Variants in RANBP9 observed in about 807,000 individuals in gnomAD.
The protein encoded by RANBP9 is ran-binding protein 9.
Under a neutral mutation model 84.3 loss-of-function variants are expected in RANBP9, and 15 were observed. The observed-to-expected ratio is 0.18, with a 90% CI of 0.12 to 0.27. The LOEUF (loss-of-function observed/expected upper bound fraction) is 0.27, where lower values mean the gene tolerates loss of function less well. Among genes scored for constraint, RANBP9 ranks in the 10% least tolerant of loss-of-function variants. The probability of loss-of-function intolerance (pLI) is 1.00; values close to 1 mark genes in which losing one functional copy is unlikely to be tolerated. For missense variants in RANBP9, 809 were observed against 912.8 expected, an observed-to-expected ratio of 0.89 and a Z score of 1.46; for synonymous variants, 392 against 349.6, an observed-to-expected ratio of 1.12 and a Z score of -1.35.
At chr6:13,633,765 A>G (rs749197609) in intron 11 of RANBP9, among the ~76,000 whole-genome samples, 8 of 152,354 alleles carry the variant, frequency 5.3e-5, no homozygotes, top group Admixed American at 1.3e-4. Flanking sequence ...TAAGAAATCT[A>G]ACATTGCCAT....
intron 2 of RANBP9, among the ~76,000 whole-genome samples, chr6:13,682,184 T>C (rs1208422677): frequency 1.3e-5 from 2 of 152,132 alleles, no homozygotes; most frequent in Admixed American, 1.3e-4. Flanking sequence ...TCAACAGTCT[T>C]ACTTTGAAAC....
At chr6:13,670,323 T>C (rs1156979618) in intron 2 of RANBP9, among the ~76,000 whole-genome samples, 2 of 152,070 alleles carry the variant, frequency 1.3e-5, no homozygotes, top group Non-Finnish European at 2.9e-5. Flanking sequence ...AAAAAGAATG[T>C]AGCTGGATCC....
chr6:13,670,816 A>G (rs910109863), intron 2 of RANBP9, among the ~76,000 whole-genome samples: 2 of 151,554 alleles, frequency 1.3e-5, no homozygotes, highest in African/African-American at 4.8e-5. Flanking sequence ...AAAAAAAAAA[A>G]AAAAAGTAGA....
At chr6:13,677,198 T>A (rs1055231275) in intron 2 of RANBP9, among the ~76,000 whole-genome samples, 31 of 152,128 alleles carry the variant, frequency 2.0e-4, no homozygotes, top group Admixed American at 1.9e-3. Flanking sequence ...AGAAGTCAAT[T>A]TCCTACGCAC....
At chr6:13,684,564 G>A (rs1004494801) in intron 2 of RANBP9, among the ~76,000 whole-genome samples, 3 of 152,158 alleles carry the variant, frequency 2.0e-5, no homozygotes, top group Admixed American at 1.3e-4. Flanking sequence ...GTAAAAAATT[G>A]TAAGTATGTA....
chr6:13,641,951 T>C (rs987244667), intron 7 of RANBP9, among the ~76,000 whole-genome samples: 6 of 152,180 alleles, frequency 3.9e-5, no homozygotes, highest in African/African-American at 1.4e-4. Context: ...CCCACCCTGA[T>C]GGACAAACAG....
chr6:13,680,561 T>C (rs908298788), intron 2 of RANBP9, among the ~76,000 whole-genome samples: 2 of 151,936 alleles, frequency 1.3e-5, no homozygotes, highest in African/African-American at 4.8e-5. Context: ...AGCAACACAA[T>C]GGGACCCTGT....
chr6:13,669,727 T>C (rs1259248031), intron 2 of RANBP9, among the ~76,000 whole-genome samples: 1 of 152,192 alleles, frequency 6.6e-6, no homozygotes. Context: ...TAGCTGGGAC[T>C]ACAGTTGCAT....
intron 6 of RANBP9, among the ~76,000 whole-genome samples, chr6:13,643,677 A>G (rs1765117653): frequency 6.6e-6 from 1 of 152,172 alleles, no homozygotes; most frequent in Admixed American, 6.5e-5. Context: ...CATGATACTC[A>G]GTGGTAACCA....
rs555894491 is a variant in RANBP9, at chr6:13,682,676, T to C, written c.683+14109A>G. ...ATGTTGGCCAGGCTGGTCTCAAAAC[T>C]CCTGACCTCAGGTGACCCACCTACC... On this transcript the variant is annotated intron_variant, in intron 2 of 13. Coordinates refer to ENST00000011619, the MANE Select transcript of RANBP9 (RefSeq NM_005493.3). Among the ~76,000 whole-genome samples the C allele has an allele frequency of 2.0e-5, 3 of 152,244 alleles. No individual in the cohort carries two copies. The South Asian group carries it at 6.2e-4, about 32-fold the overall frequency.
At chr6:13,697,006 G>C (rs1403172317) in intron 1 of RANBP9, 110 bp from the exon 2 acceptor site, 1 of 825,106 alleles carries the variant, frequency 1.2e-6, no homozygotes, top group Non-Finnish European at 1.9e-6. Context: ...TATTATTTCT[G>C]CTCCTATCAG....
intron 2 of RANBP9, among the ~76,000 whole-genome samples, chr6:13,665,163 T>A (rs1181032050): frequency 4.6e-5 from 7 of 152,120 alleles, no homozygotes; most frequent in South Asian, 2.1e-4. Context: ...AAAGGTTCTA[T>A]AAGAAAACAT....
In RANBP9 at chr6:13,683,661, T is replaced by C. The variant is rs564802465; in HGVS notation, c.683+13124A>G. 1.5e-3 allele frequency among the ~76,000 whole-genome samples: 232 copies of C among 152,244 alleles called. 2 individuals are homozygous for C. The highest frequency in any genetic ancestry group is 4.6e-3 in the African/African-American group (191 of 41,558). ...ACTGCCATTAATCCAGGTGGTAGGATTGTATATGCTTTTAAAAATATGTTA... is the reference window on the plus strand; with the variant it reads ...ACTGCCATTAATCCAGGTGGTAGGACTGTATATGCTTTTAAAAATATGTTA... On this transcript the variant is annotated intron_variant, in intron 2 of 13. Transcript: ENST00000011619.
chr6:13,708,819 TCACACACA>T (rs70989879), intron 1 of RANBP9, among the ~76,000 whole-genome samples: 65 of 140,932 alleles, frequency 4.6e-4, no homozygotes, highest in African/African-American at 1.6e-3. Context: ...AACGGAAAAC[TCACACACA>T]CACACACACA....
At chr6:13,627,283 T>G (rs1224798175) in intron 12 of RANBP9, among the ~76,000 whole-genome samples, 2 of 151,984 alleles carry the variant, frequency 1.3e-5, no homozygotes, top group African/African-American at 2.4e-5. Flanking sequence ...TCCCAACCCA[T>G]GGAAAGAATA....
chr6:13,658,411 C>T (rs1765459514), intron 3 of RANBP9, among the ~76,000 whole-genome samples: 2 of 152,134 alleles, frequency 1.3e-5, no homozygotes, highest in Admixed American at 6.5e-5. Flanking sequence ...GGGCTCGAGA[C>T]CAGCCTGGCC....
chr6:13,655,474 A>G (rs1765377591), intron 4 of RANBP9, among the ~76,000 whole-genome samples: 1 of 152,204 alleles, frequency 6.6e-6, no homozygotes, highest in South Asian at 2.1e-4. Flanking sequence ...CTCAAAAATT[A>G]AATAAATAAA....
intron 9 of RANBP9, among the ~76,000 whole-genome samples, chr6:13,639,104 A>G (rs1024464936): frequency 4.6e-4 from 70 of 152,218 alleles, no homozygotes; most frequent in African/African-American, 1.5e-3. Context: ...TACTGAGAAC[A>G]TGTCAATCTG....
At chr6:13,669,036 CTACAAGA>C (rs1765714664) in intron 2 of RANBP9, among the ~76,000 whole-genome samples, 3 of 151,964 alleles carry the variant, frequency 2.0e-5, no homozygotes, top group South Asian at 2.1e-4. Flanking sequence ...TTCAACAAGA[CTACAAGA>C]TACAAGATTA....
Sources: gnomAD v4.1 joint callset for allele counts (sites outside exome capture counted in the v4.1 genomes callset) on GRCh38, gnomAD v4.1.1 for gene constraint, MANE v1.5 for transcripts, NCBI Gene and HGNC (gene_info 2026-07-23, HGNC 2026-07-21) for gene names.